Variants in ULK4 observed in about 807,000 individuals in gnomAD.
The protein encoded by ULK4 is unc-51 like kinase 4, also known as inactive serine/threonine-protein kinase ULK4.
Under a neutral mutation model 160.6 loss-of-function variants are expected in ULK4, and 133 were observed. That is an observed-to-expected ratio of 0.83 (90% CI 0.72 to 0.96). The LOEUF (loss-of-function observed/expected upper bound fraction) is 0.96. Ranked by LOEUF, ULK4 falls within the 40% of genes least tolerant of loss-of-function variation. The probability of loss-of-function intolerance (pLI) is 0.00; values close to 1 mark genes in which losing one functional copy is unlikely to be tolerated. For missense variants in ULK4, 1,580 were observed against 1,499.5 expected (o/e 1.05, Z -0.89); for synonymous variants, 534 against 539.8 (o/e 0.99, Z 0.15).
At chr3:41,453,280 A>G (rs2083463992) in intron 34 of ULK4, among the ~76,000 whole-genome samples, 1 of 152,116 alleles carries the variant, frequency 6.6e-6, no homozygotes, top group Non-Finnish European at 1.5e-5. Flanking sequence ...GGCTCAAGCA[A>G]TCCTCAAGCC....
intron 35 of ULK4, among the ~76,000 whole-genome samples, chr3:41,269,390 A>G (rs1236293640): frequency 1.3e-5 from 2 of 152,076 alleles, no homozygotes; most frequent in East Asian, 3.9e-4. Flanking sequence ...TGGTAGATAA[A>G]TGAGCTCCAG....
intron 2 of ULK4, among the ~76,000 whole-genome samples, chr3:41,941,870 G>A (rs553931751): frequency 2.0e-5 from 3 of 151,872 alleles, no homozygotes; most frequent in African/African-American, 2.4e-5. Flanking sequence ...TTCAGGCACA[G>A]GAAGGGGGAG....
intron 34 of ULK4, among the ~76,000 whole-genome samples, chr3:41,419,554 A>G (rs984881764): frequency 3.3e-5 from 5 of 152,180 alleles, no homozygotes; most frequent in Admixed American, 1.3e-4. Context: ...AGAGGTGGTA[A>G]CACCGCCCTG....
At chr3:41,883,823 A>C in intron 17 of ULK4, 51 bp downstream of exon 17, 1 of 1,476,284 alleles carries the variant, frequency 6.8e-7, no homozygotes, top group Non-Finnish European at 9.5e-7. Flanking sequence ...TTACAGAATC[A>C]AGAACAGTAT....
In ULK4 at chr3:41,633,213, C is replaced by A. The variant is rs566741993; in HGVS notation, c.3072-17496G>T. On this transcript the variant is annotated intron_variant, in intron 30 of 36. Coordinates refer to ENST00000301831, the MANE Select transcript of ULK4 (RefSeq NM_017886.4). ...GTCAGGGCTGGCAAACTACAGCCCA[C>A]AGGCCAACTCTGCCAGCCACCTATA... Among the ~76,000 whole-genome samples the A allele has an allele frequency of 8.5e-5, 13 of 152,334 alleles. No individual in the cohort carries two copies. The South Asian group carries it at 2.3e-3, about 27-fold the overall frequency.
intron 35 of ULK4, among the ~76,000 whole-genome samples, chr3:41,251,374 G>C (rs539447193): frequency 1.3e-4 from 20 of 152,258 alleles, no homozygotes; most frequent in African/African-American, 4.3e-4. Context: ...GTAAGACAGA[G>C]AAAACACATG....
chr3:41,725,661 G>A (rs1240093519), intron 22 of ULK4, among the ~76,000 whole-genome samples: 1 of 151,984 alleles, frequency 6.6e-6, no homozygotes, highest in Non-Finnish European at 1.5e-5. Flanking sequence ...TAACTCTATT[G>A]TCTGTATTCC....
chr3:41,516,513 A>G (rs2085752580), intron 32 of ULK4, among the ~76,000 whole-genome samples: 1 of 152,166 alleles, frequency 6.6e-6, no homozygotes, highest in Non-Finnish European at 1.5e-5. Flanking sequence ...AAAAAGAATG[A>G]GATCCAGTCA....
Position 41,483,447 on chromosome 3 carries a change from C to T in ULK4, c.3227-20194G>A, listed in dbSNP as rs78586679. Among the ~76,000 whole-genome samples the T allele has an allele frequency of 4.8e-3, 731 of 152,264 alleles. 6 individuals carry two copies. The highest frequency in any genetic ancestry group is 8.2e-3 in the Non-Finnish European group (559 of 68,012). The stretch of plus-strand genomic sequence containing the variant: ...CATACTGTTTCCACCCCCACACCCC[C>T]ATATAGTTATCTCTTAATTTTGGTC... On this transcript the variant is annotated intron_variant, in intron 32 of 36. Transcript: ENST00000301831.
chr3:41,772,348 G>C (rs903828631), intron 21 of ULK4, among the ~76,000 whole-genome samples: 1 of 151,868 alleles, frequency 6.6e-6, no homozygotes, highest in African/African-American at 2.4e-5. Context: ...AGAAAAGAGA[G>C]AAGAATCAAA....
intron 35 of ULK4, among the ~76,000 whole-genome samples, chr3:41,366,573 A>ACACACACACACACT (rs4016417): frequency 2.6e-5 from 4 of 151,444 alleles, no homozygotes; most frequent in African/African-American, 9.7e-5. Context: ...ACACACACAC[A>ACACACACACACACT]CTTTATCTAT....
intron 16 of ULK4, among the ~76,000 whole-genome samples, chr3:41,890,225 A>T (rs1195043447): frequency 1.3e-5 from 2 of 152,216 alleles, no homozygotes; most frequent in African/African-American, 4.8e-5. Flanking sequence ...ATTTTATGGT[A>T]TGTGAATTAT....
chr3:41,268,753 C>T lies in ULK4; in HGVS notation c.3679-19179G>A, dbSNP rs913711582. ...CCGGGAGATGGAGGCTGCAGTGAGC[C>T]GAGATCGCACACTGCACTCCAGCCT... On this transcript the variant is annotated intron_variant, in intron 35 of 36. Transcript: ENST00000301831. Among the ~76,000 whole-genome samples the T allele has an allele frequency of 4.2e-4, 60 of 142,534 alleles. 1 individual carries two copies. Among genetic ancestry groups the T allele is most frequent in the Admixed American group, 3.8e-3 (51 of 13,252 alleles). The allele number at this position is 142,534 out of a possible 152,430, so 93.5% of individuals were successfully genotyped here.
At position 41,563,189 on chromosome 3, in the gene ULK4, C is replaced by T. The variant is rs190754840; in HGVS notation, c.3226+2836G>A. ...TTTAAGAATGTTGAATATTGGCCCCCACTCTCTTCTGGCTTGTAGGGTTTC... is the reference window on the plus strand; with the variant it reads ...TTTAAGAATGTTGAATATTGGCCCCTACTCTCTTCTGGCTTGTAGGGTTTC... On this transcript the variant is annotated intron_variant, in intron 32 of 36. Transcript: ENST00000301831. Among the ~76,000 whole-genome samples, 84 of 152,290 alleles carry T rather than the reference C, an allele frequency of 5.5e-4. 1 individual carries two copies. The highest frequency in any genetic ancestry group is 1.8e-3 in the African/African-American group (74 of 41,562).
intron 18 of ULK4, among the ~76,000 whole-genome samples, chr3:41,829,936 T>C (rs1008726489): frequency 5.9e-4 from 90 of 151,746 alleles, no homozygotes; most frequent in Non-Finnish European, 9.6e-4. Context: ...GAAAATGTGG[T>C]ACATATACAC....
At chr3:41,249,682 A>G in intron 35 of ULK4, 108 bp from the exon 36 acceptor site, 1 of 1,169,296 alleles carries the variant, frequency 8.6e-7, no homozygotes, top group Non-Finnish European at 1.2e-6. Context: ...GTGGCTGCCT[A>G]AGGCACTGGG....
At chr3:41,513,037 G>C (rs1405806039) in intron 32 of ULK4, among the ~76,000 whole-genome samples, 1 of 152,078 alleles carries the variant, frequency 6.6e-6, no homozygotes. Flanking sequence ...CAAAAAAACA[G>C]AAAGTGGGGA....
At chr3:41,848,772 T>A (rs1452650520) in intron 17 of ULK4, among the ~76,000 whole-genome samples, 1 of 152,186 alleles carries the variant, frequency 6.6e-6, no homozygotes, top group African/African-American at 2.4e-5. Flanking sequence ...ACTATTCCAA[T>A]CTTCTCTTGG....
At chr3:41,532,132 C>T (rs1019701684) in intron 32 of ULK4, among the ~76,000 whole-genome samples, 1 of 152,174 alleles carries the variant, frequency 6.6e-6, no homozygotes, top group Non-Finnish European at 1.5e-5. Flanking sequence ...CTGTGTACTC[C>T]GACCGCATCA....
Sources: allele counts gnomAD v4.1 joint callset (sites outside exome capture counted in the v4.1 genomes callset), GRCh38; gene constraint gnomAD v4.1.1; transcripts MANE v1.5; gene names NCBI Gene and HGNC (gene_info 2026-07-23, HGNC 2026-07-21).